Variants in SLC6A16 observed in about 807,000 individuals in gnomAD.
SLC6A16 encodes solute carrier family 6 member 16, also known as orphan sodium- and chloride-dependent neurotransmitter transporter NTT5.
SLC6A16 carries 54 observed loss-of-function variants against 65.4 expected under a neutral mutation model. The observed-to-expected ratio is 0.83, with a 90% CI of 0.66 to 1.04. The LOEUF (loss-of-function observed/expected upper bound fraction) is 1.04. Ranked by LOEUF, SLC6A16 falls within the 50% of genes least tolerant of loss-of-function variation. The probability of loss-of-function intolerance (pLI) is 0.00; values close to 1 mark genes in which losing one functional copy is unlikely to be tolerated. For missense variants in SLC6A16, 816 were observed against 914.0 expected (o/e 0.89, Z 1.38); for synonymous variants, 330 against 346.5 (o/e 0.95, Z 0.53).
the SLC6A16 span, chr19:49,332,160 C>T: frequency 2.2e-6 from 1 of 456,730 alleles, no homozygotes; most frequent in South Asian, 1.5e-5. Flanking sequence ...CTCCTGGTGG[C>T]TCCAGGAGTT....
At chr19:49,317,785 A>G (rs1217526912) in intron 1 of SLC6A16, among the ~76,000 whole-genome samples, 1 of 152,128 alleles carries the variant, frequency 6.6e-6, no homozygotes, top group Non-Finnish European at 1.5e-5. Context: ...CAGCCAGGGC[A>G]ACACAGCGAG....
intron 7 of SLC6A16, among the ~76,000 whole-genome samples, chr19:49,298,484 A>G (rs1399556094): frequency 1.3e-5 from 2 of 152,346 alleles, no homozygotes; most frequent in East Asian, 3.9e-4. Context: ...CAACAAATAT[A>G]TGAAAAAATG....
At chr19:49,320,435 A>AAC (rs1156774973) in intron 1 of SLC6A16, among the ~76,000 whole-genome samples, 1 of 151,878 alleles carries the variant, frequency 6.6e-6, no homozygotes, top group Non-Finnish European at 1.5e-5. Flanking sequence ...AAACAAAAAA[A>AAC]AACCAGATCT....
the SLC6A16 span, among the ~76,000 whole-genome samples, chr19:49,332,850 G>A: frequency 2.0e-3 from 298 of 152,222 alleles, no homozygotes; most frequent in African/African-American, 6.9e-3. Context: ...GCAGAGAGGC[G>A]TTGGTGGTGG....
chr19:49,334,441 C>A, the SLC6A16 span, among the ~76,000 whole-genome samples: 2 of 151,992 alleles, frequency 1.3e-5, no homozygotes, highest in African/African-American at 4.8e-5. Flanking sequence ...GAGCTATGAT[C>A]GCACTACTGC....
rs1970093921 is a variant in SLC6A16, at chr19:49,292,326, C to T, written c.1778+897G>A. 6.6e-6 allele frequency among the ~76,000 whole-genome samples: 1 copy of T among 152,090 alleles called. No homozygotes were observed. Among genetic ancestry groups the T allele is most frequent in the South Asian group, 2.1e-4 (1 of 4,828 alleles). On this transcript the variant is annotated intron_variant, in intron 10 of 11. Coordinates refer to ENST00000335875, the MANE Select transcript of SLC6A16 (RefSeq NM_014037.3). The surrounding 1 kb of genome is among the most constrained non-coding windows in gnomAD (Gnocchi z 4.3). ...AGGTTGCAGTGAGCTGAGATCGCAC[C>T]ACTGCACTCCAGCCTGGGCAACAGA...
At chr19:49,291,238 C>T (rs1970073017) in intron 10 of SLC6A16, among the ~76,000 whole-genome samples, 1 of 151,822 alleles carries the variant, frequency 6.6e-6, no homozygotes, top group South Asian at 2.1e-4. Context: ...CTAGGGTGCC[C>T]ATCACCCTAT....
rs1471181025 is a variant in SLC6A16, at chr19:49,292,107, C to T, written c.1778+1116G>A. ...AGCTTTCACCAGGCGGGGTGGCTCA[C>T]GCATGTAATCCTAGCACTTTGGGAG... is the stretch of plus-strand genomic sequence containing the variant. On this transcript the variant is annotated intron_variant, in intron 10 of 11. Coordinates refer to ENST00000335875, the MANE Select transcript of SLC6A16 (RefSeq NM_014037.3). This position sits in a 1 kb window ranked among gnomAD's most constrained non-coding sequence, Gnocchi z 4.3. Among the ~76,000 whole-genome samples, 3 of 152,146 alleles carry T rather than the reference C, an allele frequency of 2.0e-5. No individual in the cohort carries two copies. Among genetic ancestry groups the T allele is most frequent in the Admixed American group, 6.5e-5 (1 of 15,268 alleles).
At chr19:49,310,794 AG>A in intron 2 of SLC6A16, 138 bp downstream of exon 2, 2 of 770,360 alleles carry the variant, frequency 2.6e-6, no homozygotes, top group Non-Finnish European at 4.3e-6. Context: ...CTAAGTGTCC[AG>A]GGACCTGGCT....
chr19:49,290,533 C>A (rs1241786163), intron 11 of SLC6A16, 72 bp downstream of exon 11: 1 of 1,577,768 alleles, frequency 6.3e-7, no homozygotes, highest in African/African-American at 1.3e-5. Flanking sequence ...TGACTGGGTT[C>A]TTTCACCCAG....
At chr19:49,297,960 T>A (rs1970215728) in intron 7 of SLC6A16, among the ~76,000 whole-genome samples, 2 of 152,016 alleles carry the variant, frequency 1.3e-5, no homozygotes, top group South Asian at 2.1e-4. Flanking sequence ...GTAGAAAATA[T>A]GAGAGTTTCT....
At chr19:49,328,654 C>T (rs960334403), upstream of SLC6A16, among the ~76,000 whole-genome samples, 1 of 152,194 alleles carries the variant, frequency 6.6e-6, no homozygotes, top group Non-Finnish European at 1.5e-5. Context: ...AATACGTCTG[C>T]AAATTCTTCA....
chr19:49,309,625 C>A (rs1308352722), intron 5 of SLC6A16, 26 bp downstream of exon 5: 1 of 1,598,822 alleles, frequency 6.3e-7, no homozygotes, highest in African/African-American at 1.3e-5. Context: ...CTGAGAATTT[C>A]AAGGAATCCA....
intron 7 of SLC6A16, among the ~76,000 whole-genome samples, chr19:49,300,173 T>C (rs1343307810): frequency 6.6e-6 from 1 of 152,098 alleles, no homozygotes; most frequent in Non-Finnish European, 1.5e-5. Context: ...CTTTGCATTT[T>C]AGCAAAATAA....
Position 49,309,722 on chromosome 19 carries a change from C to A in SLC6A16, c.805G>T (p.Val269Phe). The change falls in exon 5 of 12, where the codon GTC becomes TTC. Residue 269 changes from valine (V) to phenylalanine (F), a missense_variant. By Grantham distance (50) the Val-to-Phe change is conservative. Transcript: ENST00000335875. ...EDGGSPVYSL[V>F]LPFFLCWCLV... ...CACCAGCAAAGAAAGAAGGGCAGGA[C>A]CAGACTGTAGACTGGTGACCCGCCA... 6.2e-7 allele frequency: 1 copy of A among 1,614,102 alleles called. No homozygotes were observed.
chr19:49,301,364 T>G (rs142612636), intron 7 of SLC6A16, among the ~76,000 whole-genome samples: 224 of 152,294 alleles, frequency 1.5e-3, no homozygotes, highest in Admixed American at 3.9e-3. Flanking sequence ...GGGACTGGCA[T>G]TGCCGAGACT....
chr19:49,290,539 C>T (rs780901281), intron 11 of SLC6A16, 66 bp downstream of exon 11: 3 of 1,588,766 alleles, frequency 1.9e-6, no homozygotes, highest in South Asian at 2.2e-5. Context: ...GGTTCTTTCA[C>T]CCAGAGTGAA....
At chr19:49,319,440 A>AATACAT (rs75886561) in intron 1 of SLC6A16, among the ~76,000 whole-genome samples, 1 of 149,248 alleles carries the variant, frequency 6.7e-6, no homozygotes, top group East Asian at 2.0e-4. Flanking sequence ...TATACATATA[A>AATACAT]ATACATATAC....
chr19:49,335,492 C>T, the SLC6A16 span: 4 of 1,317,142 alleles, frequency 3.0e-6, no homozygotes, highest in Admixed American at 1.7e-5. This position sits in a 1 kb window ranked among gnomAD's most constrained non-coding sequence, Gnocchi z 4.6. Flanking sequence ...CCCCCACTGT[C>T]AGCACCTCTT....
Sources: allele counts gnomAD v4.1 joint callset (sites outside exome capture counted in the v4.1 genomes callset), GRCh38; gene constraint gnomAD v4.1.1; non-coding constraint Gnocchi (gnomAD v3.1); transcripts MANE v1.5; gene names NCBI Gene and HGNC (gene_info 2026-07-23, HGNC 2026-07-21).